TTLL5: variants seen among roughly 807,000 people sequenced by gnomAD.
The protein encoded by TTLL5 is tubulin polyglutamylase TTLL5.
A neutral mutation model predicts 168.4 loss-of-function variants in TTLL5; 132 were observed. The observed-to-expected ratio is 0.78, with a 90% CI of 0.68 to 0.91. The LOEUF is 0.91. Ranked by LOEUF, TTLL5 falls within the 40% of genes least tolerant of loss-of-function variation. The pLI is 0.00. For missense variants in TTLL5, 1,545 were observed against 1,581.5 expected (o/e 0.98, Z 0.39); for synonymous variants, 546 against 558.6 (o/e 0.98, Z 0.32).
At chr14:75,768,446 G>A (rs904760276) in intron 20 of TTLL5, among the ~76,000 whole-genome samples, 11 of 152,064 alleles carry the variant, frequency 7.2e-5, no homozygotes, top group African/African-American at 2.7e-4. Context: ...GGCAATGAAA[G>A]GAAGGTAAGA....
intron 28 of TTLL5, among the ~76,000 whole-genome samples, chr14:75,843,487 C>A (rs1896364436): frequency 6.6e-6 from 1 of 152,200 alleles, no homozygotes; most frequent in South Asian, 2.1e-4. Context: ...TGTTGAGACA[C>A]CTTTAAAAGT....
At chr14:75,727,588 C>CT (rs1444055734) in intron 12 of TTLL5, among the ~76,000 whole-genome samples, 1 of 152,120 alleles carries the variant, frequency 6.6e-6, no homozygotes, top group Admixed American at 6.5e-5. Context: ...TGTCCTATGT[C>CT]TTGTGGTGGT....
At chr14:75,831,928 G>A (rs1895592602) in intron 28 of TTLL5, among the ~76,000 whole-genome samples, 1 of 152,140 alleles carries the variant, frequency 6.6e-6, no homozygotes, top group South Asian at 2.1e-4. Context: ...TTAATGCCCT[G>A]TTTTCAGCTC....
chr14:75,930,597 G>A (rs771719391), intron 31 of TTLL5: 1 of 985,334 alleles, frequency 1.0e-6, no homozygotes, highest in Non-Finnish European at 1.2e-6. Context: ...GACGTTTCTT[G>A]CAGAGAACAA....
chr14:75,839,613 C>T (rs1269134286), intron 28 of TTLL5, among the ~76,000 whole-genome samples: 12 of 152,158 alleles, frequency 7.9e-5, no homozygotes, highest in Non-Finnish European at 1.8e-4. Flanking sequence ...CATCAGATCT[C>T]GTGAGAACTC....
chr14:75,759,692 T>C (rs1890509135), intron 18 of TTLL5, among the ~76,000 whole-genome samples: 1 of 152,092 alleles, frequency 6.6e-6, no homozygotes, highest in Admixed American at 6.6e-5. Flanking sequence ...GACTGAGATT[T>C]TCCCCAGTAT....
chr14:75,686,931 A>T (rs1885104370), intron 5 of TTLL5, among the ~76,000 whole-genome samples: 1 of 152,214 alleles, frequency 6.6e-6, no homozygotes, highest in African/African-American at 2.4e-5. Context: ...AATGATTTAT[A>T]ATAGTGAATA....
chr14:75,665,240 G>A (rs1452917391), intron 2 of TTLL5, among the ~76,000 whole-genome samples: 1 of 152,134 alleles, frequency 6.6e-6, no homozygotes, highest in Admixed American at 6.5e-5. Context: ...TAAATAATAA[G>A]ATCATTTCAA....
At chr14:75,813,790 T>C (rs1894211572) in intron 27 of TTLL5, among the ~76,000 whole-genome samples, 1 of 150,780 alleles carries the variant, frequency 6.6e-6, no homozygotes, top group Non-Finnish European at 1.5e-5. Flanking sequence ...TGATTAGCTT[T>C]ACCAGTAGGG....
At chr14:75,925,245 C>A in intron 31 of TTLL5, among the ~76,000 whole-genome samples, 1 of 150,998 alleles carries the variant, frequency 6.6e-6, no homozygotes, top group East Asian at 2.0e-4. Flanking sequence ...TGACCCCCAC[C>A]TCCCTCCCGG....
chr14:75,846,278 G>A (rs1896535588), intron 28 of TTLL5, among the ~76,000 whole-genome samples: 1 of 152,144 alleles, frequency 6.6e-6, no homozygotes, highest in Non-Finnish European at 1.5e-5. Flanking sequence ...TAGTTGGTGG[G>A]GAATTACATA....
At chr14:75,834,254 A>G (rs1007990037) in intron 28 of TTLL5, among the ~76,000 whole-genome samples, 2 of 152,164 alleles carry the variant, frequency 1.3e-5, no homozygotes, top group South Asian at 4.1e-4. Flanking sequence ...GGAGGTATGG[A>G]AGAGCATACC....
chr14:75,753,274 C>G (rs1233327231), intron 18 of TTLL5, among the ~76,000 whole-genome samples: 1 of 152,074 alleles, frequency 6.6e-6, no homozygotes, highest in African/African-American at 2.4e-5. Context: ...TTAATAGACA[C>G]GATTATCTGT....
chr14:75,818,124 C>G (rs1449666117), intron 27 of TTLL5, among the ~76,000 whole-genome samples: 2 of 152,060 alleles, frequency 1.3e-5, no homozygotes, highest in Non-Finnish European at 2.9e-5. Flanking sequence ...AGGCGTGAGC[C>G]ACCGTGCCCG....
At position 75,734,047 on chromosome 14, in the gene TTLL5, G is replaced by A. The variant is rs767267264; in HGVS notation, c.1183G>A (p.Val395Ile). ...ASMISDMFTV[V>I]GFVCQDPAQR... ...TATGATTTCAGATATGTTCACTGTT[G>A]TAGGTGAGTAGTAGTATTTTCTGAA... The change falls in exon 14 of 32, where the codon GTA (valine) becomes ATA (isoleucine). Residue 395 changes from valine to isoleucine, a missense_variant. By Grantham distance (29) the Val-to-Ile change is conservative. Transcript: ENST00000298832. 6.8e-6 allele frequency: 11 copies of A among 1,613,694 alleles called. No homozygotes were observed. The Admixed American group carries it at 1.8e-4, about 27-fold the overall frequency.
At chr14:75,789,959 G>C (rs1272904989) in intron 26 of TTLL5, among the ~76,000 whole-genome samples, 2 of 152,088 alleles carry the variant, frequency 1.3e-5, no homozygotes, top group African/African-American at 4.8e-5. Flanking sequence ...TAATATAAAG[G>C]TCTGATACTT....
At chr14:75,948,075 G>A (rs563320261) in intron 31 of TTLL5, among the ~76,000 whole-genome samples, 2 of 152,200 alleles carry the variant, frequency 1.3e-5, no homozygotes. Flanking sequence ...CAGAAACTAC[G>A]TAGTAGGCCT....
chr14:75,851,853 A>G (rs1404002926), intron 28 of TTLL5, among the ~76,000 whole-genome samples: 1 of 152,184 alleles, frequency 6.6e-6, no homozygotes, highest in Non-Finnish European at 1.5e-5. Flanking sequence ...GAAGTAGTAT[A>G]CTTCTTCTTT....
chr14:75,764,713 AG>A lies in TTLL5; in HGVS notation c.1651del (p.Val551CysfsTer11). 4 of 1,614,164 alleles carry A rather than the reference AG, an allele frequency of 2.5e-6. No individual in the cohort carries two copies. Among genetic ancestry groups the A allele is most frequent in the Non-Finnish European group, 3.4e-6 (4 of 1,180,006 alleles). On this transcript the variant is annotated frameshift_variant, in exon 19 of 32. Transcript: ENST00000298832. LOFTEE classifies it high-confidence loss of function. ...ALYERKLLSL[E>X]VRKRRRRSSR... is the part of the protein sequence containing the mutation. ...TACGAGAGGAAGCTCCTGTCTCTGG[AG>A]GTGCGAAAACGTAGACGACGGAGTA...
Sources: allele counts gnomAD v4.1 joint callset (sites outside exome capture counted in the v4.1 genomes callset), GRCh38; gene constraint gnomAD v4.1.1; transcripts MANE v1.5; gene names NCBI Gene and HGNC (gene_info 2026-07-23, HGNC 2026-07-21).